The following KIF5C variants were observed in gnomAD, a reference collection of about 807,000 sequenced individuals.
KIF5C encodes the protein kinesin family member 5C, also known as kinesin heavy chain isoform 5C.
In KIF5C, 18 loss-of-function variants were observed where a neutral mutation model predicts 125.2. That is an observed-to-expected ratio of 0.14 (90% confidence interval 0.10 to 0.21). The LOEUF is 0.21. Ranked by LOEUF, KIF5C falls within the 10% of genes least tolerant of loss-of-function variation. The probability of loss-of-function intolerance (pLI) is 1.00; values close to 1 mark genes in which losing one functional copy is unlikely to be tolerated. For synonymous variants in KIF5C, 405 were observed against 434.0 expected (o/e 0.93, Z 0.83); for missense variants, 780 against 1,183.8 (o/e 0.66, Z 5.01).
At chr2:148,897,676 T>C (rs1680725079) in intron 1 of KIF5C, among the ~76,000 whole-genome samples, 1 of 151,884 alleles carries the variant, frequency 6.6e-6, no homozygotes, top group Non-Finnish European at 1.5e-5. Flanking sequence ...TCCAGTACTT[T>C]GGGAGGCCAA....
At chr2:148,914,362 G>A (rs1204156843) in intron 1 of KIF5C, among the ~76,000 whole-genome samples, 1 of 152,208 alleles carries the variant, frequency 6.6e-6, no homozygotes, top group Non-Finnish European at 1.5e-5. Context: ...CTCTTTAACA[G>A]AAGTAACACT....
chr2:148,890,682 C>T (rs1161592219), intron 1 of KIF5C, among the ~76,000 whole-genome samples: 1 of 152,158 alleles, frequency 6.6e-6, no homozygotes, highest in East Asian at 1.9e-4. Context: ...TGGTATTCCA[C>T]TCTATCCTAT....
In KIF5C at chr2:148,875,575, G is replaced by GGGGCCC; in HGVS notation, c.-43_-42insGGGCCC. Reference sequence around the variant, plus strand: ...TCCTCCCTCGTCGTTCCCGGCCCCGGCCCCCCACCCATCCCCGTGCCCCCT... The same window carrying GGGGCCC: ...TCCTCCCTCGTCGTTCCCGGCCCCGGGGGCCCCCCCCCACCCATCCCCGTGCCCCCT... On this transcript the variant is annotated 5_prime_UTR_variant, in exon 1 of 26. Transcript: ENST00000435030. 3 of 699,600 alleles carry GGGGCCC rather than the reference G, an allele frequency of 4.3e-6. No homozygotes were observed. The highest frequency in any genetic ancestry group is 7.7e-6 in the Non-Finnish European group (3 of 389,226). 43.3% of individuals were successfully genotyped at this position (699,600 alleles called of 1,614,324 possible). A position where few individuals can be genotyped will look rare whatever the true frequency, so the allele number is the denominator to read the frequency against.
At chr2:149,012,458 A>C (rs1682236709) in intron 25 of KIF5C, among the ~76,000 whole-genome samples, 1 of 152,222 alleles carries the variant, frequency 6.6e-6, no homozygotes, top group Non-Finnish European at 1.5e-5. Flanking sequence ...TTGGACTCTA[A>C]GCCCTTGCTA....
chr2:149,021,480 A>T (rs1682532800), intron 25 of KIF5C, among the ~76,000 whole-genome samples: 1 of 151,822 alleles, frequency 6.6e-6, no homozygotes, highest in Admixed American at 6.6e-5. Context: ...CTGCTTTAAT[A>T]ACCCCTTTCT....
intron 17 of KIF5C, among the ~76,000 whole-genome samples, chr2:148,996,692 G>C (rs1681684006): frequency 6.6e-6 from 1 of 152,174 alleles, no homozygotes; most frequent in Non-Finnish European, 1.5e-5. Flanking sequence ...CCCAAACATG[G>C]GGCCTTCTGG....
chr2:149,017,861 A>T (rs1286406027), intron 25 of KIF5C, among the ~76,000 whole-genome samples: 1 of 152,224 alleles, frequency 6.6e-6, no homozygotes, highest in Non-Finnish European at 1.5e-5. Context: ...TCGAAATAAA[A>T]CCACAAATAA....
intron 15 of KIF5C, among the ~76,000 whole-genome samples, chr2:148,985,711 C>A (rs1681363690): frequency 1.3e-5 from 2 of 152,180 alleles, no homozygotes; most frequent in Admixed American, 1.3e-4. Context: ...AGTGGGGACA[C>A]TCAGGTCGTG....
chr2:148,928,104 TAAC>T (rs1307315118), intron 2 of KIF5C, among the ~76,000 whole-genome samples: 2 of 151,964 alleles, frequency 1.3e-5, no homozygotes, highest in South Asian at 2.1e-4. Context: ...TTAAAAAACA[TAAC>T]AAATCAGAAT....
intron 6 of KIF5C, 26 bp downstream of exon 6, chr2:148,942,016 G>A (rs1313029235): frequency 1.9e-6 from 3 of 1,605,910 alleles, no homozygotes; most frequent in Non-Finnish European, 2.5e-6. Context: ...GATTGGTGAT[G>A]CAATTAATTT....
chr2:148,954,837 C>T (rs534126298), intron 10 of KIF5C, among the ~76,000 whole-genome samples: 6 of 152,224 alleles, frequency 3.9e-5, no homozygotes, highest in East Asian at 3.9e-4. Flanking sequence ...ACATTACCTA[C>T]GAGAGTAGAA....
At chr2:148,957,309 A>C (rs1320986495) in intron 10 of KIF5C, among the ~76,000 whole-genome samples, 1 of 151,510 alleles carries the variant, frequency 6.6e-6, no homozygotes, top group Non-Finnish European at 1.5e-5. Flanking sequence ...GCTAGATATT[A>C]ACAAAGGAGG....
Position 149,024,860 on chromosome 2 carries a change from T to A in KIF5C, c.*1790T>A, listed in dbSNP as rs559677201. The A allele has an allele frequency of 2.0e-5, 3 of 152,672 alleles. No homozygotes were observed. The South Asian group carries it at 6.2e-4, about 32-fold the overall frequency. 9.5% of individuals were successfully genotyped at this position (152,672 alleles called of 1,614,324 possible). ...TATTTGCGGTCTGATAAAAGGGTCCTTGTGGGGCAGGTTTTGCAAAGCTTA... is the reference window on the plus strand; with the variant it reads ...TATTTGCGGTCTGATAAAAGGGTCCATGTGGGGCAGGTTTTGCAAAGCTTA... On this transcript the variant is annotated 3_prime_UTR_variant, in exon 26 of 26. Transcript: ENST00000435030.
At position 149,023,155 on chromosome 2, in the gene KIF5C, T is replaced by G. The variant is rs1233785369; in HGVS notation, c.*85T>G. ...TTTTCCCCCCCTACAGTTTCCATTT[T>G]TTTTTTATACTTGCTTACTCCAGCC... On this transcript the variant is annotated 3_prime_UTR_variant, in exon 26 of 26. Transcript: ENST00000435030. 1.3e-5 allele frequency: 2 copies of G among 152,242 alleles called. No individual in the cohort carries two copies. The highest frequency in any genetic ancestry group is 4.8e-5 in the African/African-American group (2 of 41,464). The allele number at this position is 152,242 out of a possible 1,614,324, so 9.4% of individuals were successfully genotyped here.
At position 148,876,659 on chromosome 2, in the gene KIF5C, G is replaced by A. The variant is rs1226310034; in HGVS notation, c.126+916G>A. On this transcript the variant is annotated intron_variant, in intron 1 of 25. Transcript: ENST00000435030. The surrounding 1 kb of genome is among the most constrained non-coding windows in gnomAD (Gnocchi z 4.7). ...TAGCTCCCTCTCTGCAGCTGGGGCTGCTGGTAGGGGGAGGGAACACCAATG... is the reference window on the plus strand; with the variant it reads ...TAGCTCCCTCTCTGCAGCTGGGGCTACTGGTAGGGGGAGGGAACACCAATG... Among the ~76,000 whole-genome samples, 1 of 152,022 alleles carries A rather than the reference G, an allele frequency of 6.6e-6. No individual in the cohort carries two copies. Among genetic ancestry groups the A allele is most frequent in the Non-Finnish European group, 1.5e-5 (1 of 68,004 alleles).
intron 14 of KIF5C, among the ~76,000 whole-genome samples, chr2:148,982,787 A>G (rs1011989432): frequency 1.3e-5 from 2 of 152,242 alleles, no homozygotes; most frequent in African/African-American, 4.8e-5. Context: ...ATTTTTCATA[A>G]TACAGTTTTT....
intron 1 of KIF5C, chr2:148,883,434 G>C (rs1340238366): frequency 6.6e-6 from 1 of 152,080 alleles, no homozygotes; most frequent in Non-Finnish European, 1.5e-5. Context: ...CTGGGAGGTG[G>C]AGCTTGCAGT....
At chr2:148,998,327 G>A (rs1023783582) in intron 18 of KIF5C, 73 bp from the exon 19 acceptor site, 2 of 1,547,232 alleles carry the variant, frequency 1.3e-6, no homozygotes, top group African/African-American at 2.7e-5. Context: ...GGTAGGTCCA[G>A]ATCCAGGGCT....
intron 1 of KIF5C, among the ~76,000 whole-genome samples, chr2:148,896,331 C>T (rs1180761863): frequency 2.0e-5 from 3 of 152,168 alleles, no homozygotes; most frequent in African/African-American, 4.8e-5. Context: ...AGAGAGGCCA[C>T]GTCAGCAGCA....
Sources: allele counts gnomAD v4.1 joint callset (sites outside exome capture counted in the v4.1 genomes callset), GRCh38; gene constraint gnomAD v4.1.1; non-coding constraint Gnocchi (gnomAD v3.1); transcripts MANE v1.5; gene names NCBI Gene and HGNC (gene_info 2026-07-23, HGNC 2026-07-21).